TBC1D8B: variants seen among roughly 807,000 people sequenced by gnomAD.
The protein encoded by TBC1D8B is RP11-321G1.1.
In TBC1D8B, 75 loss-of-function variants were observed where a neutral mutation model predicts 82.9. That is an observed-to-expected ratio of 0.90 (90% CI 0.75 to 1.10). The LOEUF is 1.10. Among genes scored for constraint, TBC1D8B ranks in the 50% least tolerant of loss-of-function variants. The probability of loss-of-function intolerance (pLI) is 0.00; values close to 1 mark genes in which losing one functional copy is unlikely to be tolerated. For missense variants in TBC1D8B, 794 were observed against 796.9 expected (o/e 1.00, Z 0.04); for synonymous variants, 276 against 276.8 (o/e 1.00, Z 0.03).
At chrX:106,816,993 A>T (rs1033115419) in intron 1 of TBC1D8B, among the ~76,000 whole-genome samples, 1 of 111,464 alleles carries the variant, frequency 9.0e-6, no homozygotes, top group African/African-American at 3.3e-5. Flanking sequence ...AATTCTTTTT[A>T]AGTGGGTCAA....
chrX:106,830,948 T>TAATAAATAAATAAATA (rs769351110), intron 7 of TBC1D8B, among the ~76,000 whole-genome samples: 4 of 104,890 alleles, frequency 3.8e-5, no homozygotes, highest in African/African-American at 1.4e-4. Flanking sequence ...AGTATAATAA[T>TAATAAATAAATAAATA]AATAAATAAA....
At chrX:106,866,136 G>A in intron 16 of TBC1D8B, 103 bp downstream of exon 16, 1 of 841,776 alleles carries the variant, frequency 1.2e-6, no homozygotes, top group Non-Finnish European at 1.6e-6. Context: ...GGGTTACAGT[G>A]TGTTTAGCTT....
At chrX:106,854,544 C>T (rs1173692955) in intron 14 of TBC1D8B, among the ~76,000 whole-genome samples, 2 of 110,933 alleles carry the variant, frequency 1.8e-5, no homozygotes, top group African/African-American at 6.6e-5. Context: ...GACAGGGTCT[C>T]GTTCTGTTGC....
intron 19 of TBC1D8B, among the ~76,000 whole-genome samples, chrX:106,870,393 A>G (rs542682316): frequency 2.9e-4 from 33 of 112,331 alleles, no homozygotes; most frequent in African/African-American, 9.0e-4. Flanking sequence ...ACTTAATAGT[A>G]TACATGAGAA....
intron 14 of TBC1D8B, among the ~76,000 whole-genome samples, chrX:106,862,968 G>A (rs1007639881): frequency 9.2e-6 from 1 of 108,782 alleles, no homozygotes; most frequent in African/African-American, 3.4e-5. Flanking sequence ...CTGGGCCCTC[G>A]GGGCTAGGAA....
chrX:106,846,661 C>T (rs187980316), intron 10 of TBC1D8B, among the ~76,000 whole-genome samples: 39 of 111,355 alleles, frequency 3.5e-4, no homozygotes, highest in Admixed American at 3.5e-3. Context: ...TTACTACATC[C>T]CCTCCTAGTA....
chrX:106,813,698 A>G (rs183346150), intron 1 of TBC1D8B, among the ~76,000 whole-genome samples: 15 of 112,076 alleles, frequency 1.3e-4, no homozygotes, highest in Non-Finnish European at 1.9e-4. Flanking sequence ...ACTTATGTTT[A>G]TTTATATACA....
At chrX:106,807,201 C>T (rs370028111) in intron 1 of TBC1D8B, among the ~76,000 whole-genome samples, 4 of 104,558 alleles carry the variant, frequency 3.8e-5, no homozygotes, top group Admixed American at 1.0e-4. Flanking sequence ...AAGATCTACC[C>T]GCCCCCCCCC....
chrX:106,806,226 C>A (rs1409818239), intron 1 of TBC1D8B, among the ~76,000 whole-genome samples: 1 of 112,044 alleles, frequency 8.9e-6, no homozygotes, highest in Non-Finnish European at 1.9e-5. Flanking sequence ...GATTACTGAC[C>A]ATTTGCCTAA....
chrX:106,824,910 A>G (rs1473197703), intron 5 of TBC1D8B, among the ~76,000 whole-genome samples: 1 of 111,741 alleles, frequency 8.9e-6, no homozygotes, highest in Non-Finnish European at 1.9e-5. Flanking sequence ...AGTTTAAACA[A>G]TACAGAAGCA....
At chrX:106,812,097 G>A (rs367624792) in intron 1 of TBC1D8B, among the ~76,000 whole-genome samples, 10 of 108,167 alleles carry the variant, frequency 9.2e-5, no homozygotes, top group African/African-American at 2.2e-4. Flanking sequence ...ACTGTTTTCC[G>A]AAGCTCTTAA....
chrX:106,818,653 A>G lies in TBC1D8B; in HGVS notation c.131-10A>G, dbSNP rs751249923. On this transcript the variant is annotated splice_polypyrimidine_tract_variant and intron_variant, in intron 1 of 20. Coordinates refer to ENST00000357242, the MANE Select transcript of TBC1D8B (RefSeq NM_017752.3). ...AAGTCCTTATTTCAACAATCTTTCT[A>G]TTACAACAGGGCTTCTGGTTGGGAC... 5.1e-6 allele frequency: 6 copies of G among 1,173,604 alleles called. No individual in the cohort carries two copies. The East Asian group carries it at 1.2e-4, about 23-fold the overall frequency.
At position 106,848,168 on chromosome X, in the gene TBC1D8B, G is replaced by T. The variant is rs773981409; in HGVS notation, c.1720-18G>T. 1.3e-5 allele frequency: 15 copies of T among 1,113,590 alleles called. No homozygotes were observed. The African/African-American group carries it at 2.2e-4, about 16-fold the overall frequency. The allele number at this position is 1,113,590 out of a possible 1,213,427, so 91.8% of individuals were successfully genotyped here. Reference sequence around the variant, plus strand: ...TGAGCAATATTTGCTTTTTAATACTGTTTTCTATGAATTTTAGGCAATGAA... The same window carrying T: ...TGAGCAATATTTGCTTTTTAATACTTTTTTCTATGAATTTTAGGCAATGAA... On this transcript the variant is annotated intron_variant, in intron 10 of 20. Coordinates refer to ENST00000357242, the MANE Select transcript of TBC1D8B (RefSeq NM_017752.3).
chrX:106,804,878 G>A, intron 1 of TBC1D8B, among the ~76,000 whole-genome samples: 1 of 109,688 alleles, frequency 9.1e-6, no homozygotes, highest in South Asian at 4.0e-4. Context: ...AACAGAGGGA[G>A]ACTCTGTCTC....
At chrX:106,830,377 G>A (rs2147741815) in intron 7 of TBC1D8B, among the ~76,000 whole-genome samples, 1 of 111,774 alleles carries the variant, frequency 8.9e-6, no homozygotes, top group Non-Finnish European at 1.9e-5. Context: ...CATTGTGGAA[G>A]TCAGTGTGGC....
Position 106,853,576 on chromosome X carries a change from G to A in TBC1D8B, c.2179G>A (p.Gly727Ser), listed in dbSNP as rs1932636027. The change falls in exon 13 of 21, where the codon GGT (glycine) becomes AGT (serine). Residue 727 changes from glycine (G) to serine (S), a missense_variant. Coordinates refer to ENST00000357242, the MANE Select transcript of TBC1D8B (RefSeq NM_017752.3). Reference sequence around the variant, plus strand: ...TCCATTGCCTTCAAATGTTCAGCAAGGTTCAAATGTGAGTGATGAAAAAAC... The same window carrying A: ...TCCATTGCCTTCAAATGTTCAGCAAAGTTCAAATGTGAGTGATGAAAAAAC... ...DSPLPSNVQQGSNVSDEKTSH... is the reference protein window; with the variant it reads ...DSPLPSNVQQSSNVSDEKTSH... The A allele has an allele frequency of 2.5e-6, 3 of 1,207,531 alleles. No individual in the cohort carries two copies. Among genetic ancestry groups the A allele is most frequent in the Non-Finnish European group, 3.4e-6 (3 of 891,907 alleles).
At chrX:106,859,159 C>G (rs940911808) in intron 14 of TBC1D8B, among the ~76,000 whole-genome samples, 1 of 111,986 alleles carries the variant, frequency 8.9e-6, no homozygotes, top group Non-Finnish European at 1.9e-5. Context: ...TAGCTTTGTT[C>G]ATTTTGCTTA....
chrX:106,807,716 C>T (rs975253351), intron 1 of TBC1D8B, among the ~76,000 whole-genome samples: 12 of 110,321 alleles, frequency 1.1e-4, no homozygotes, highest in Non-Finnish European at 2.1e-4. Context: ...GTGTGATTTG[C>T]CCTCCCTAGG....
At position 106,821,015 on chromosome X, in the gene TBC1D8B, C is replaced by T; in HGVS notation, c.360+20C>T. On this transcript the variant is annotated intron_variant, in intron 3 of 20. Coordinates refer to ENST00000357242, the MANE Select transcript of TBC1D8B (RefSeq NM_017752.3). ...ATAAGAGTAAGTGGCACGGATATAT[C>T]TTGTAGATGGAGTGCCAAAACCTTT... is the stretch of plus-strand genomic sequence containing the variant. The T allele has an allele frequency of 1.0e-6, 1 of 982,322 alleles. No homozygotes were observed. The highest frequency in any genetic ancestry group is 3.3e-5 in the East Asian group (1 of 30,098). 81.0% of individuals were successfully genotyped at this position (982,322 alleles called of 1,213,427 possible).
Sources: gnomAD v4.1 joint callset for allele counts (sites outside exome capture counted in the v4.1 genomes callset) on GRCh38, gnomAD v4.1.1 for gene constraint, MANE v1.5 for transcripts, NCBI Gene and HGNC (gene_info 2026-07-23, HGNC 2026-07-21) for gene names.